The following OSBPL10 variants were observed in gnomAD, a reference collection of about 807,000 sequenced individuals.
The protein encoded by OSBPL10 is oxysterol binding protein like 10, also known as oxysterol-binding protein-related protein 10.
In OSBPL10, 49 loss-of-function variants were observed where a neutral mutation model predicts 81.7. The observed-to-expected ratio is 0.60, with a 90% CI of 0.48 to 0.76. The LOEUF (loss-of-function observed/expected upper bound fraction) is 0.76. Among genes scored for constraint, OSBPL10 ranks in the 30% least tolerant of loss-of-function variants. OSBPL10 has a pLI of 0.00. For missense variants in OSBPL10, 923 were observed against 987.8 expected (o/e 0.93, Z 0.88); for synonymous variants, 419 against 383.6 (o/e 1.09, Z -1.08).
intron 2 of OSBPL10, among the ~76,000 whole-genome samples, chr3:32,011,374 G>A (rs911300837): frequency 5.9e-5 from 9 of 152,228 alleles, no homozygotes; most frequent in African/African-American, 1.4e-4. Flanking sequence ...ACCTGCAGCT[G>A]AGGGTCCTGA....
intron 2 of OSBPL10, chr3:31,990,198 T>C (rs1699005471): frequency 6.2e-7 from 1 of 1,614,032 alleles, no homozygotes; most frequent in East Asian, 2.2e-5. Context: ...ACAAGTGTAA[T>C]GAGTGTGGCA....
chr3:31,906,504 T>C (rs902605676), intron 1 of OSBPL10, among the ~76,000 whole-genome samples: 1 of 152,180 alleles, frequency 6.6e-6, no homozygotes, highest in African/African-American at 2.4e-5. Context: ...CTATTATCAC[T>C]ACCAGCACAT....
At chr3:31,735,558 G>A (rs1162546101) in intron 5 of OSBPL10, among the ~76,000 whole-genome samples, 1 of 152,144 alleles carries the variant, frequency 6.6e-6, no homozygotes, top group East Asian at 1.9e-4. Context: ...TCTCCCCATT[G>A]CTTAGTATGC....
At chr3:32,015,021 C>G (rs908276303) in intron 2 of OSBPL10, among the ~76,000 whole-genome samples, 5 of 152,124 alleles carry the variant, frequency 3.3e-5, no homozygotes, top group Non-Finnish European at 7.4e-5. Flanking sequence ...CCATACTGCC[C>G]AAGGTAATTT....
intron 2 of OSBPL10, chr3:31,989,863 G>A (rs1698998907): frequency 5.6e-6 from 9 of 1,614,162 alleles, no homozygotes; most frequent in Non-Finnish European, 7.6e-6. Flanking sequence ...TAAATGTGAT[G>A]TATGTGGCAA....
chr3:31,776,684 G>C (rs940462658), intron 4 of OSBPL10, among the ~76,000 whole-genome samples: 15 of 152,242 alleles, frequency 9.9e-5, no homozygotes, highest in Admixed American at 1.3e-4. Flanking sequence ...TAAGTGAAAG[G>C]AGACATAAAA....
At chr3:31,701,275 T>C (rs58764703) in intron 7 of OSBPL10, among the ~76,000 whole-genome samples, 2,618 of 152,268 alleles carry the variant, frequency 0.017, 75 homozygotes, top group African/African-American at 0.06. Flanking sequence ...CCAACTGCCC[T>C]TAGGGCTGTT....
intron 4 of OSBPL10, among the ~76,000 whole-genome samples, chr3:31,817,332 G>A (rs987842831): frequency 6.6e-6 from 1 of 152,200 alleles, no homozygotes; most frequent in African/African-American, 2.4e-5. Context: ...GATTGGAGAG[G>A]GCACTGGGAG....
intron 4 of OSBPL10, among the ~76,000 whole-genome samples, chr3:31,816,894 G>A (rs1054381983): frequency 1.3e-5 from 2 of 152,052 alleles, no homozygotes; most frequent in African/African-American, 2.4e-5. Context: ...ACTCTCAGCA[G>A]AGAGAATAGC....
At chr3:31,785,153 G>A (rs1011471597) in intron 4 of OSBPL10, among the ~76,000 whole-genome samples, 7 of 152,162 alleles carry the variant, frequency 4.6e-5, no homozygotes, top group Non-Finnish European at 8.8e-5. Flanking sequence ...CCAAAGTGCC[G>A]GGATTACAGG....
At chr3:31,837,903 A>T (rs1450899036) in intron 3 of OSBPL10, among the ~76,000 whole-genome samples, 1 of 152,164 alleles carries the variant, frequency 6.6e-6, no homozygotes, top group African/African-American at 2.4e-5. Flanking sequence ...GGAAATACAC[A>T]TATCAGGTAA....
intron 2 of OSBPL10, among the ~76,000 whole-genome samples, chr3:31,995,171 G>T (rs1699077581): frequency 6.6e-6 from 1 of 152,164 alleles, no homozygotes; most frequent in Admixed American, 6.5e-5. Flanking sequence ...CATCTTAACA[G>T]AAAACAGAGT....
chr3:31,818,683 C>T (rs1699910035), intron 4 of OSBPL10, among the ~76,000 whole-genome samples: 1 of 152,192 alleles, frequency 6.6e-6, no homozygotes, highest in African/African-American at 2.4e-5. Context: ...ACATGCTCCC[C>T]ACTCCTACTC....
chr3:31,965,564 ATATAT>A (rs1698327365), intron 1 of OSBPL10, among the ~76,000 whole-genome samples: 2 of 83,682 alleles, frequency 2.4e-5, no homozygotes, highest in East Asian at 4.1e-4. Flanking sequence ...TATATAAATT[ATATAT>A]TATATAATAT....
chr3:32,074,437 A>G (rs1025260308), intron 1 of OSBPL10, among the ~76,000 whole-genome samples: 1 of 152,136 alleles, frequency 6.6e-6, no homozygotes, highest in Non-Finnish European at 1.5e-5. Context: ...TATCTCCAGA[A>G]CCCAGCCACA....
rs1317570205 is a variant in OSBPL10, at chr3:32,065,999, GAAAGAA to G, written n.185+11391_185+11396del. ...AGAAAGAAAGAAAGAAAGAAAGAAA[GAAAGAA>G]AGAGAAAGAAAGAAAGAAAGAGAGA... On this transcript the variant is annotated intron_variant and non_coding_transcript_variant, in intron 1 of 3. Coordinates refer to the OSBPL10 transcript ENST00000479173. Among the ~76,000 whole-genome samples, 23 of 58,926 alleles carry G rather than the reference GAAAGAA, an allele frequency of 3.9e-4. 5 individuals are homozygous for G. The highest frequency in any genetic ancestry group is 9.9e-4 in the Admixed American group (4 of 4,024). 38.7% of individuals were successfully genotyped at this position (58,926 alleles called of 152,430 possible).
chr3:31,824,220 G>A (rs1327271342), intron 4 of OSBPL10, among the ~76,000 whole-genome samples: 5 of 152,124 alleles, frequency 3.3e-5, no homozygotes, highest in Admixed American at 6.6e-5. Context: ...GAAGAAACAG[G>A]AAGTGTTGAC....
At chr3:31,975,187 G>A (rs985231250) in intron 1 of OSBPL10, among the ~76,000 whole-genome samples, 1 of 152,136 alleles carries the variant, frequency 6.6e-6, no homozygotes, top group African/African-American at 2.4e-5. Context: ...TGTAACCTAG[G>A]CAACCATCCC....
intron 4 of OSBPL10, among the ~76,000 whole-genome samples, chr3:31,783,874 AAATT>A (rs1174044359): frequency 2.9e-5 from 4 of 138,554 alleles, no homozygotes; most frequent in Non-Finnish European, 4.7e-5. Flanking sequence ...GAATAAATAA[AAATT>A]AAAAAAATTT....
Sources: gnomAD v4.1 joint callset for allele counts (sites outside exome capture counted in the v4.1 genomes callset) on GRCh38, gnomAD v4.1.1 for gene constraint, MANE v1.5 for transcripts, NCBI Gene and HGNC (gene_info 2026-07-23, HGNC 2026-07-21) for gene names.